Variants in ZNF385D observed in about 807,000 individuals in gnomAD.
The protein encoded by ZNF385D is zinc finger protein 385D, also known as zinc finger protein 659.
Under a neutral mutation model 35.8 loss-of-function variants are expected in ZNF385D, and 15 were observed. The observed-to-expected ratio is 0.42, with a 90% CI of 0.28 to 0.64. The LOEUF is 0.64. ZNF385D is among the 30% of genes least tolerant of loss of function. The pLI is 0.23. For synonymous variants in ZNF385D, 212 were observed against 186.8 expected, an observed-to-expected ratio of 1.13 and a Z score of -1.10; for missense variants, 474 against 494.6, an observed-to-expected ratio of 0.96 and a Z score of 0.39.
chr3:22,059,402 C>T (rs1397582856), intron 3 of ZNF385D, among the ~76,000 whole-genome samples: 4 of 152,146 alleles, frequency 2.6e-5, no homozygotes, highest in African/African-American at 7.2e-5. Context: ...GAATTGGGGT[C>T]ATTCACTTTC....
chr3:21,739,614 C>T (rs919838142), intron 1 of ZNF385D, among the ~76,000 whole-genome samples: 3 of 152,136 alleles, frequency 2.0e-5, no homozygotes, highest in South Asian at 2.1e-4. Context: ...TATTGATGTT[C>T]GGGGTAGGCA....
chr3:22,116,725 G>A (rs1702830100), intron 3 of ZNF385D, among the ~76,000 whole-genome samples: 1 of 151,970 alleles, frequency 6.6e-6, no homozygotes, highest in Non-Finnish European at 1.5e-5. Flanking sequence ...TAAATGTAAT[G>A]CAAAATTTAG....
intron 3 of ZNF385D, among the ~76,000 whole-genome samples, chr3:22,047,436 G>C (rs1699071707): frequency 6.6e-6 from 1 of 151,896 alleles, no homozygotes; most frequent in African/African-American, 2.4e-5. Context: ...AACCACTATT[G>C]TACTTTCTGC....
intron 3 of ZNF385D, among the ~76,000 whole-genome samples, chr3:21,811,590 G>A (rs541576394): frequency 1.1e-4 from 17 of 152,226 alleles, no homozygotes; most frequent in East Asian, 3.9e-4. Context: ...AATGTATGGC[G>A]ATAACTAACT....
At chr3:22,319,581 C>A (rs1229413372) in intron 2 of ZNF385D, among the ~76,000 whole-genome samples, 1 of 152,088 alleles carries the variant, frequency 6.6e-6, no homozygotes, top group South Asian at 2.1e-4. Flanking sequence ...GCATACAGAG[C>A]TAGCAATAGC....
chr3:21,948,861 T>C (rs1701921921), intron 3 of ZNF385D, among the ~76,000 whole-genome samples: 2 of 152,152 alleles, frequency 1.3e-5, no homozygotes, highest in Non-Finnish European at 2.9e-5. Context: ...GATCTAAAAA[T>C]CTTGTGTAAG....
intron 3 of ZNF385D, among the ~76,000 whole-genome samples, chr3:21,531,153 T>C (rs900742248): frequency 1.3e-5 from 2 of 152,170 alleles, no homozygotes; most frequent in African/African-American, 4.8e-5. Context: ...TTAGGGAATT[T>C]CTACACTGTT....
At chr3:21,850,825 C>A (rs2125809090) in intron 3 of ZNF385D, among the ~76,000 whole-genome samples, 1 of 152,048 alleles carries the variant, frequency 6.6e-6, no homozygotes, top group African/African-American at 2.4e-5. Flanking sequence ...TCCTAGTGGG[C>A]CTTAAAAATG....
In ZNF385D at chr3:22,311,014, G is replaced by A. The variant is rs556071700; in HGVS notation, c.106+61436C>T. Reference sequence around the variant, plus strand: ...CCTTTGTAGTATCATACGATGAATTGAATCATATGATACTACGAAGGTTGA... The same window carrying A: ...CCTTTGTAGTATCATACGATGAATTAAATCATATGATACTACGAAGGTTGA... On this transcript the variant is annotated intron_variant, in intron 2 of 5. Coordinates refer to the ZNF385D transcript ENST00000494108. Among the ~76,000 whole-genome samples the A allele has an allele frequency of 3.7e-3, 558 of 151,726 alleles. 4 individuals are homozygous for A. Among genetic ancestry groups the A allele is most frequent in the African/African-American group, 0.011 (474 of 41,444 alleles).
At chr3:21,503,875 C>A (rs1003238466) in intron 4 of ZNF385D, among the ~76,000 whole-genome samples, 4 of 152,122 alleles carry the variant, frequency 2.6e-5, no homozygotes, top group Non-Finnish European at 5.9e-5. Context: ...CCTTTGCATT[C>A]ATAGACCTTC....
At chr3:22,015,222 C>T (rs1576156133) in intron 3 of ZNF385D, among the ~76,000 whole-genome samples, 4 of 152,090 alleles carry the variant, frequency 2.6e-5, no homozygotes, top group East Asian at 3.8e-4. Flanking sequence ...TCAGCTGATG[C>T]GTTTTATAGC....
chr3:21,936,968 C>T (rs1701290621), intron 3 of ZNF385D, among the ~76,000 whole-genome samples: 1 of 152,056 alleles, frequency 6.6e-6, no homozygotes, highest in Admixed American at 6.6e-5. Flanking sequence ...TGTTCAGGTT[C>T]TTGTAAGTAA....
Position 22,239,625 on chromosome 3 carries a change from G to T in ZNF385D, c.107-70590C>A, listed in dbSNP as rs901609204. On this transcript the variant is annotated intron_variant, in intron 2 of 5. Transcript: ENST00000494108. The stretch of plus-strand genomic sequence containing the variant: ...TTTTACCCTTTGATTTCATCTTCAG[G>T]AAAATATCTAATCTTATGTTATATT... Among the ~76,000 whole-genome samples, 9 of 150,658 alleles carry T rather than the reference G, an allele frequency of 6.0e-5. 2 individuals are homozygous for T. The highest frequency in any genetic ancestry group is 2.2e-4 in the African/African-American group (9 of 40,702).
chr3:22,208,078 G>T (rs1276990852), intron 2 of ZNF385D, among the ~76,000 whole-genome samples: 1 of 151,916 alleles, frequency 6.6e-6, no homozygotes, highest in Non-Finnish European at 1.5e-5. Context: ...CCACTGCTGG[G>T]CATGTACACA....
At chr3:22,292,296 C>T (rs753479399) in intron 2 of ZNF385D, among the ~76,000 whole-genome samples, 3 of 151,860 alleles carry the variant, frequency 2.0e-5, no homozygotes, top group South Asian at 2.1e-4. Flanking sequence ...TCAATATATG[C>T]GAAAACATGC....
intron 3 of ZNF385D, among the ~76,000 whole-genome samples, chr3:22,016,627 A>G (rs1045683648): frequency 3.9e-5 from 6 of 151,968 alleles, no homozygotes; most frequent in African/African-American, 1.4e-4. Context: ...GCCTAGAACA[A>G]AAGTTTGTGT....
chr3:22,193,405 CTATT>C (rs1245703789), intron 2 of ZNF385D, among the ~76,000 whole-genome samples: 1 of 150,356 alleles, frequency 6.7e-6, no homozygotes, highest in Non-Finnish European at 1.5e-5. Flanking sequence ...AAATCCTAAC[CTATT>C]TACTCACTTA....
chr3:21,644,113 G>T (rs949619331), intron 2 of ZNF385D, among the ~76,000 whole-genome samples: 1 of 152,208 alleles, frequency 6.6e-6, no homozygotes, highest in Middle Eastern at 3.4e-3. Context: ...AGAACAACAG[G>T]CAGCAAACTA....
intron 2 of ZNF385D, among the ~76,000 whole-genome samples, chr3:21,649,951 C>A (rs918162295): frequency 6.6e-6 from 1 of 152,020 alleles, no homozygotes; most frequent in Non-Finnish European, 1.5e-5. Flanking sequence ...AGTTCAATAT[C>A]ATGGCTGCAG....
Sources: gnomAD v4.1 joint callset for allele counts (sites outside exome capture counted in the v4.1 genomes callset) on GRCh38, gnomAD v4.1.1 for gene constraint, MANE v1.5 for transcripts, NCBI Gene and HGNC (gene_info 2026-07-23, HGNC 2026-07-21) for gene names.